Variants in PDZRN4 observed in about 807,000 individuals in gnomAD.
PDZRN4 encodes PDZ domain containing ring finger 4, also known as PDZ domain-containing RING finger protein 4.
A neutral mutation model predicts 99.0 loss-of-function variants in PDZRN4; 70 were observed. That is an observed-to-expected ratio of 0.71 (90% CI 0.58 to 0.86). The LOEUF (loss-of-function observed/expected upper bound fraction) is 0.86. PDZRN4 is among the 40% of genes least tolerant of loss of function. PDZRN4 has a pLI of 0.00. For synonymous variants in PDZRN4, 551 were observed against 501.6 expected (o/e 1.10, Z -1.32); for missense variants, 1,474 against 1,331.2 (o/e 1.11, Z -1.67).
chr12:41,382,692 C>T (rs1251980505), intron 3 of PDZRN4, among the ~76,000 whole-genome samples: 2 of 152,164 alleles, frequency 1.3e-5, no homozygotes, highest in Non-Finnish European at 2.9e-5. Flanking sequence ...TTGTGGAAGG[C>T]TGGGTAAAGA....
chr12:41,288,606 C>T (rs1050553836), intron 3 of PDZRN4, among the ~76,000 whole-genome samples: 2 of 151,434 alleles, frequency 1.3e-5, no homozygotes, highest in Admixed American at 1.3e-4. Context: ...ATGGCTTCAC[C>T]CTGACTCTTA....
intron 3 of PDZRN4, among the ~76,000 whole-genome samples, chr12:41,295,359 G>A (rs531195580): frequency 1.3e-5 from 2 of 152,042 alleles, no homozygotes; most frequent in South Asian, 2.1e-4. Context: ...TTCAGAAAAT[G>A]TAAAACAAAG....
chr12:41,359,709 G>A (rs1272887797), intron 3 of PDZRN4, among the ~76,000 whole-genome samples: 3 of 152,040 alleles, frequency 2.0e-5, no homozygotes, highest in East Asian at 1.9e-4. Context: ...CACCATGATT[G>A]TGAGGCCTCC....
At chr12:41,197,402 A>G (rs1950780494) in intron 3 of PDZRN4, among the ~76,000 whole-genome samples, 1 of 152,178 alleles carries the variant, frequency 6.6e-6, no homozygotes, top group African/African-American at 2.4e-5. Context: ...GTCATTAGGT[A>G]AACCTATGTC....
In PDZRN4 at chr12:41,304,346, T is replaced by C. The variant is rs559421188; in HGVS notation, c.843+110158T>C. On this transcript the variant is annotated intron_variant, in intron 3 of 9. Transcript: ENST00000402685. ...CATTTCTTCCTTGACTTAGTGCTTA[T>C]CTAAATCCAAAAACTAAAAATAAAC... 2.6e-3 allele frequency among the ~76,000 whole-genome samples: 403 copies of C among 152,272 alleles called. 2 individuals carry two copies. Among genetic ancestry groups the C allele is most frequent in the Non-Finnish European group, 4.1e-3 (282 of 68,000 alleles).
chr12:41,218,506 T>A (rs1296346153), intron 3 of PDZRN4, among the ~76,000 whole-genome samples: 1 of 143,020 alleles, frequency 7.0e-6, no homozygotes, highest in African/African-American at 3.0e-5. Flanking sequence ...TCAAAAAAAA[T>A]TTAATGTCTA....
intron 3 of PDZRN4, among the ~76,000 whole-genome samples, chr12:41,386,100 G>A (rs1306593065): frequency 1.3e-5 from 2 of 152,234 alleles, no homozygotes; most frequent in East Asian, 1.9e-4. Context: ...AAAAGTCTTC[G>A]ATAAAATTCA....
intron 3 of PDZRN4, among the ~76,000 whole-genome samples, chr12:41,372,401 A>G (rs1592032194): frequency 6.6e-6 from 1 of 152,218 alleles, no homozygotes; most frequent in African/African-American, 2.4e-5. Context: ...TAATAATTAA[A>G]TAAGCAATCA....
At chr12:41,260,958 A>C (rs1285770154) in intron 3 of PDZRN4, among the ~76,000 whole-genome samples, 1 of 152,206 alleles carries the variant, frequency 6.6e-6, no homozygotes, top group African/African-American at 2.4e-5. Flanking sequence ...TGTTTTATGG[A>C]AATCAAATTC....
At chr12:41,555,897 A>T (rs1939152076) in intron 7 of PDZRN4, 137 bp downstream of exon 7, 1 of 659,932 alleles carries the variant, frequency 1.5e-6, no homozygotes, top group African/African-American at 1.8e-5. Context: ...AAAAAAAAAA[A>T]GTGCTGTCAT....
At chr12:41,271,006 A>G (rs534602642) in intron 3 of PDZRN4, among the ~76,000 whole-genome samples, 1 of 152,074 alleles carries the variant, frequency 6.6e-6, no homozygotes, top group Non-Finnish European at 1.5e-5. Flanking sequence ...AATCTGAAAT[A>G]TAGTCTTCGT....
chr12:41,210,748 T>C (rs996797284), intron 3 of PDZRN4, among the ~76,000 whole-genome samples: 4 of 151,944 alleles, frequency 2.6e-5, no homozygotes, highest in African/African-American at 7.2e-5. Flanking sequence ...ATATAACCTG[T>C]GGTTTTCCAT....
chr12:41,547,339 A>T (rs1026419386), intron 5 of PDZRN4, among the ~76,000 whole-genome samples: 1 of 152,154 alleles, frequency 6.6e-6, no homozygotes, highest in South Asian at 2.1e-4. Context: ...AAATTTATGG[A>T]TCATGGCCAG....
intron 3 of PDZRN4, among the ~76,000 whole-genome samples, chr12:41,418,119 A>G (rs1952459197): frequency 6.6e-6 from 1 of 152,198 alleles, no homozygotes; most frequent in Admixed American, 6.6e-5. Context: ...TTCTATGAGC[A>G]TCTTTCTGCA....
intron 3 of PDZRN4, among the ~76,000 whole-genome samples, chr12:41,270,476 G>T (rs979196969): frequency 6.6e-6 from 1 of 151,936 alleles, no homozygotes; most frequent in South Asian, 2.1e-4. Context: ...GTCATAAAAC[G>T]CATAGATGGC....
chr12:41,385,024 C>T (rs1402067429), intron 3 of PDZRN4, among the ~76,000 whole-genome samples: 1 of 152,194 alleles, frequency 6.6e-6, no homozygotes, highest in African/African-American at 2.4e-5. Context: ...CATTCAATAA[C>T]CACTTAGCAC....
At chr12:41,491,121 A>G (rs1937878016) in intron 3 of PDZRN4, among the ~76,000 whole-genome samples, 1 of 152,182 alleles carries the variant, frequency 6.6e-6, no homozygotes, top group Admixed American at 6.6e-5. Context: ...TACATACTGC[A>G]TGCCCATTTT....
intron 3 of PDZRN4, among the ~76,000 whole-genome samples, chr12:41,246,428 A>T (rs11180448): frequency 0.42 from 63,423 of 151,996 alleles, 14,864 homozygotes; most frequent in Middle Eastern, 0.56. Flanking sequence ...ATAGGTATGG[A>T]TGGATATTAA....
rs368060265 is a variant in PDZRN4, at chr12:41,242,150, A to G, written c.843+47962A>G. ...AGCCAGGTATGTGTTTAACTCTGTGATGAAAGTGTCAGCATCTCCCACAGG... is the reference window on the plus strand; with the variant it reads ...AGCCAGGTATGTGTTTAACTCTGTGGTGAAAGTGTCAGCATCTCCCACAGG... On this transcript the variant is annotated intron_variant, in intron 3 of 9. Transcript: ENST00000402685. Among the ~76,000 whole-genome samples, 19 of 152,308 alleles carry G rather than the reference A, an allele frequency of 1.2e-4. 1 individual carries two copies. The East Asian group carries it at 3.7e-3, about 29-fold the overall frequency.
Sources: allele counts gnomAD v4.1 joint callset (sites outside exome capture counted in the v4.1 genomes callset), GRCh38; gene constraint gnomAD v4.1.1; transcripts MANE v1.5; gene names NCBI Gene and HGNC (gene_info 2026-07-23, HGNC 2026-07-21).